The following TYW1 variants were observed in gnomAD, a reference collection of about 807,000 sequenced individuals.
The protein encoded by TYW1 is S-adenosyl-L-methionine-dependent tRNA 4-demethylwyosine synthase TYW1.
In TYW1, 46 loss-of-function variants were observed where a neutral mutation model predicts 96.2. That is an observed-to-expected ratio of 0.48 (90% CI 0.38 to 0.61). The LOEUF (loss-of-function observed/expected upper bound fraction) is 0.61. Ranked by LOEUF, TYW1 falls within the 20% of genes least tolerant of loss-of-function variation. The probability of loss-of-function intolerance (pLI) is 0.00; values close to 1 mark genes in which losing one functional copy is unlikely to be tolerated. For synonymous variants in TYW1, 274 were observed against 323.0 expected (o/e 0.85, Z 1.63); for missense variants, 684 against 909.6 (o/e 0.75, Z 3.19).
At chr7:67,095,000 A>G (rs1405605287) in intron 11 of TYW1, among the ~76,000 whole-genome samples, 1 of 143,284 alleles carries the variant, frequency 7.0e-6, no homozygotes, top group Non-Finnish European at 1.5e-5. Flanking sequence ...TATAAACTGC[A>G]TGATTTTTTT....
At chr7:67,037,817 T>C (rs895394110) in intron 7 of TYW1, among the ~76,000 whole-genome samples, 1 of 152,068 alleles carries the variant, frequency 6.6e-6, no homozygotes, top group Non-Finnish European at 1.5e-5. Context: ...AAAAAAAATT[T>C]AAAAAATACT....
chr7:67,113,910 A>G (rs2115954320), intron 12 of TYW1, among the ~76,000 whole-genome samples: 1 of 152,200 alleles, frequency 6.6e-6, no homozygotes, highest in East Asian at 1.9e-4. Flanking sequence ...AAGTGTTGGG[A>G]TTACAGGCAT....
chr7:67,174,685 A>G (rs1799616405), intron 13 of TYW1, among the ~76,000 whole-genome samples: 1 of 151,944 alleles, frequency 6.6e-6, no homozygotes, highest in Non-Finnish European at 1.5e-5. Context: ...AAATTAAGGA[A>G]ATAAAAAACA....
chr7:67,020,920 C>T (rs1213275866), intron 6 of TYW1, among the ~76,000 whole-genome samples: 3 of 152,238 alleles, frequency 2.0e-5, no homozygotes, highest in South Asian at 2.1e-4. Context: ...CCCAGCTACT[C>T]GGGAGGCTGA....
chr7:67,089,369 A>G (rs1796644331), intron 11 of TYW1: 1 of 1,227,876 alleles, frequency 8.1e-7, no homozygotes, highest in Non-Finnish European at 1.2e-6. Context: ...AGGCTTAGGT[A>G]TCCAGTGCAG....
chr7:67,002,058 GA>G (rs935663127), intron 3 of TYW1, among the ~76,000 whole-genome samples: 17 of 150,086 alleles, frequency 1.1e-4, no homozygotes, highest in Admixed American at 3.3e-4. Flanking sequence ...AAGGAAAGAA[GA>G]AAAAAAGAGA....
chr7:67,211,150 T>TTGTGTGTGTGTGTGGTGTGTG lies in TYW1; in HGVS notation c.1977+15827_1977+15828insGTGTGTGTGTGTGTGTGTGTG. Among the ~76,000 whole-genome samples the TTGTGTGTGTGTGTGGTGTGTG allele has an allele frequency of 1.6e-5, 2 of 125,722 alleles. 1 individual carries two copies. The highest frequency in any genetic ancestry group is 6.2e-5 in the African/African-American group (2 of 32,284). The allele number at this position is 125,722 out of a possible 152,430, so 82.5% of individuals were successfully genotyped here. On this transcript the variant is annotated intron_variant, in intron 15 of 15. Transcript: ENST00000359626. The stretch of plus-strand genomic sequence containing the variant: ...TTACTTTGCCATACCCCCATCAACA[T>TTGTGTGTGTGTGTGGTGTGTG]TGTGTGTGTGTGTGTGTGTGTGTGT...
intron 13 of TYW1, among the ~76,000 whole-genome samples, chr7:67,147,748 A>T (rs901947229): frequency 1.3e-5 from 2 of 152,156 alleles, no homozygotes; most frequent in African/African-American, 2.4e-5. Flanking sequence ...CCTGCAAAGG[A>T]CATGATCTTG....
intron 6 of TYW1, 147 bp from the exon 7 acceptor site, chr7:67,024,753 C>A: frequency 7.6e-7 from 1 of 1,312,084 alleles, no homozygotes; most frequent in Non-Finnish European, 1.0e-6. Flanking sequence ...TGTGCTCCAG[C>A]CTGGGCGACA....
chr7:67,188,754 G>C (rs895049341), intron 14 of TYW1, among the ~76,000 whole-genome samples: 1 of 152,022 alleles, frequency 6.6e-6, no homozygotes, highest in African/African-American at 2.4e-5. Flanking sequence ...TTAGTATTAT[G>C]GTACCTCAAG....
At chr7:67,032,775 C>G (rs1384513687) in intron 7 of TYW1, among the ~76,000 whole-genome samples, 1 of 151,998 alleles carries the variant, frequency 6.6e-6, no homozygotes, top group Non-Finnish European at 1.5e-5. Context: ...GACCATCTCC[C>G]TGGCAAGTCC....
intron 15 of TYW1, among the ~76,000 whole-genome samples, chr7:67,212,303 G>A (rs1581502): frequency 0.29 from 40,134 of 136,734 alleles, 5,798 homozygotes; most frequent in African/African-American, 0.39. Flanking sequence ...AGATTCTTTC[G>A]TGCATTTTCC....
intron 12 of TYW1, among the ~76,000 whole-genome samples, chr7:67,117,008 G>A (rs17137288): frequency 0.28 from 42,047 of 151,982 alleles, 6,662 homozygotes; most frequent in African/African-American, 0.44. Flanking sequence ...CGTCCTTTGA[G>A]TAAGGCCTGA....
intron 13 of TYW1, among the ~76,000 whole-genome samples, chr7:67,170,363 T>A (rs577907528): frequency 6.6e-6 from 1 of 152,332 alleles, no homozygotes; most frequent in East Asian, 1.9e-4. Context: ...ATCACAGTGT[T>A]TGAATCTTCT....
intron 15 of TYW1, among the ~76,000 whole-genome samples, chr7:67,210,762 C>T (rs891605098): frequency 1.4e-5 from 2 of 143,572 alleles, no homozygotes; most frequent in African/African-American, 5.3e-5. Context: ...TGTCGTCTGT[C>T]CGTCCATCCA....
At chr7:67,010,476 G>T (rs1190523117) in intron 4 of TYW1, among the ~76,000 whole-genome samples, 4 of 148,308 alleles carry the variant, frequency 2.7e-5, no homozygotes, top group Non-Finnish European at 6.0e-5. Context: ...AATTTTAAAA[G>T]ATTTTTTTTT....
At chr7:67,145,438 C>T (rs1316111711) in intron 13 of TYW1, among the ~76,000 whole-genome samples, 2 of 152,124 alleles carry the variant, frequency 1.3e-5, no homozygotes, top group Non-Finnish European at 2.9e-5. Context: ...CGTGAGCCAC[C>T]GCGCCTGACT....
intron 13 of TYW1, among the ~76,000 whole-genome samples, chr7:67,120,097 T>C (rs1354085187): frequency 6.6e-6 from 1 of 152,312 alleles, no homozygotes; most frequent in South Asian, 2.1e-4. Context: ...TTTTTCTTTT[T>C]TTGAGATGGA....
chr7:67,065,991 CAG>C (rs1402329810), intron 9 of TYW1, among the ~76,000 whole-genome samples: 1 of 142,184 alleles, frequency 7.0e-6, no homozygotes, highest in African/African-American at 2.7e-5. Context: ...GCCTAGGTGA[CAG>C]AGTGAGACTA....
Sources: gnomAD v4.1 joint callset for allele counts (sites outside exome capture counted in the v4.1 genomes callset) on GRCh38, gnomAD v4.1.1 for gene constraint, MANE v1.5 for transcripts, NCBI Gene and HGNC (gene_info 2026-07-23, HGNC 2026-07-21) for gene names.